GRIP1: variants seen among roughly 807,000 people sequenced by gnomAD.
GRIP1 encodes glutamate receptor interacting protein 1, also known as glutamate receptor-interacting protein 1.
GRIP1 carries 45 observed loss-of-function variants against 129.9 expected under a neutral mutation model. The observed-to-expected ratio is 0.35, with a 90% CI of 0.27 to 0.44. The LOEUF (loss-of-function observed/expected upper bound fraction) is 0.44, where lower values mean the gene tolerates loss of function less well. Ranked by LOEUF, GRIP1 falls within the 20% of genes least tolerant of loss-of-function variation. The pLI, the probability that GRIP1 is intolerant of heterozygous loss-of-function variation, is 1.00. For missense variants in GRIP1, 1,196 were observed against 1,396.8 expected (o/e 0.86, Z 2.29); for synonymous variants, 530 against 520.8 (o/e 1.02, Z -0.24).
At chr12:66,733,211 G>A (rs1350081643) in intron 1 of GRIP1, among the ~76,000 whole-genome samples, 2 of 152,096 alleles carry the variant, frequency 1.3e-5, no homozygotes, top group East Asian at 1.9e-4. Context: ...GAGAGAGGGG[G>A]TTCTGCTGCT....
At chr12:66,612,455 T>C (rs1452773189) in intron 1 of GRIP1, among the ~76,000 whole-genome samples, 1 of 152,038 alleles carries the variant, frequency 6.6e-6, no homozygotes, top group East Asian at 1.9e-4. Flanking sequence ...GCCCAGGAGT[T>C]CCAGACAAGC....
intron 7 of GRIP1, among the ~76,000 whole-genome samples, chr12:66,510,010 C>G (rs1294807836): frequency 6.6e-6 from 1 of 152,058 alleles, no homozygotes; most frequent in African/African-American, 2.4e-5. Flanking sequence ...TGTTACTTTT[C>G]CAACCACAGG....
intron 1 of GRIP1, among the ~76,000 whole-genome samples, chr12:66,918,415 C>T (rs1266742156): frequency 1.3e-5 from 2 of 152,156 alleles, no homozygotes; most frequent in Non-Finnish European, 2.9e-5. Flanking sequence ...CAAATGTTAA[C>T]TTCATCCAAA....
intron 1 of GRIP1, among the ~76,000 whole-genome samples, chr12:67,040,085 G>T (rs747496346): frequency 2.0e-5 from 3 of 151,982 alleles, no homozygotes; most frequent in South Asian, 2.1e-4. Flanking sequence ...CGCTGCTTTC[G>T]TCTTAGAAAC....
At chr12:66,521,495 A>C (rs1490420815) in intron 5 of GRIP1, among the ~76,000 whole-genome samples, 1 of 152,246 alleles carries the variant, frequency 6.6e-6, no homozygotes, top group Non-Finnish European at 1.5e-5. Flanking sequence ...AACAATCAAG[A>C]AATGTGAACT....
intron 2 of GRIP1, among the ~76,000 whole-genome samples, chr12:66,584,132 A>G (rs547964889): frequency 6.8e-6 from 1 of 146,838 alleles, no homozygotes; most frequent in African/African-American, 2.5e-5. Flanking sequence ...ACTGGAAATC[A>G]TCATTCTCAG....
At chr12:66,831,445 G>GT (rs1397817601) in intron 1 of GRIP1, among the ~76,000 whole-genome samples, 2 of 152,158 alleles carry the variant, frequency 1.3e-5, no homozygotes, top group Non-Finnish European at 2.9e-5. Context: ...AAGATTGAAG[G>GT]TAAGAGTCAT....
intron 1 of GRIP1, among the ~76,000 whole-genome samples, chr12:66,771,516 G>C (rs2037817642): frequency 6.6e-6 from 1 of 152,136 alleles, no homozygotes; most frequent in African/African-American, 2.4e-5. Context: ...TAGATCCATA[G>C]GGTATATGTT....
intron 1 of GRIP1, among the ~76,000 whole-genome samples, chr12:66,693,253 G>A (rs951638859): frequency 2.0e-5 from 3 of 152,166 alleles, no homozygotes; most frequent in Non-Finnish European, 4.4e-5. Context: ...TTTTGCCTGA[G>A]CTATGTTTAG....
At chr12:66,362,240 G>A (rs1029450085) in intron 23 of GRIP1, among the ~76,000 whole-genome samples, 10 of 133,578 alleles carry the variant, frequency 7.5e-5, no homozygotes, top group African/African-American at 2.6e-4. Context: ...CACAATGTCC[G>A]CCTCCTGGGT....
Position 66,361,151 on chromosome 12 carries a change from A to G in GRIP1, c.3013-7588T>C, listed in dbSNP as rs145092560. 3.3e-4 allele frequency among the ~76,000 whole-genome samples: 50 copies of G among 152,310 alleles called. 1 individual carries two copies. In the East Asian group the frequency reaches 8.7e-3, roughly 26 times the overall value. ...GAAGCCTACAGCCCAAGAAGAAGCA[A>G]TCTCAGTTTATACTACTAGAAACTC... On this transcript the variant is annotated intron_variant, in intron 23 of 24. Transcript: ENST00000359742.
intron 1 of GRIP1, among the ~76,000 whole-genome samples, chr12:66,722,336 A>T (rs1012578500): frequency 6.6e-6 from 1 of 152,154 alleles, no homozygotes; most frequent in African/African-American, 2.4e-5. Context: ...GTTGTGTCTC[A>T]GGGAATAGGA....
intron 1 of GRIP1, among the ~76,000 whole-genome samples, chr12:66,762,428 A>G (rs10878504): frequency 0.65 from 98,229 of 152,022 alleles, 31,880 homozygotes; most frequent in Middle Eastern, 0.79. Flanking sequence ...TAGTCTTCTT[A>G]TTAGTCTTCC....
chr12:66,697,790 A>C (rs1469669200), intron 1 of GRIP1, among the ~76,000 whole-genome samples: 1 of 152,044 alleles, frequency 6.6e-6, no homozygotes, highest in Non-Finnish European at 1.5e-5. Context: ...TTAGTGGGTT[A>C]CTCTCTTTGT....
chr12:66,734,616 G>A (rs1264954735), intron 1 of GRIP1, among the ~76,000 whole-genome samples: 1 of 152,064 alleles, frequency 6.6e-6, no homozygotes, highest in African/African-American at 2.4e-5. Context: ...GATTTGTGAG[G>A]AACAAGATAT....
intron 22 of GRIP1, 108 bp downstream of exon 22, chr12:66,376,909 G>A (rs949930408): frequency 1.2e-6 from 1 of 818,444 alleles, no homozygotes; most frequent in Non-Finnish European, 2.2e-6. Flanking sequence ...GGGTGGAGAT[G>A]GGGATATACT....
At chr12:66,913,385 A>C (rs536275445) in intron 1 of GRIP1, among the ~76,000 whole-genome samples, 1 of 152,186 alleles carries the variant, frequency 6.6e-6, no homozygotes, top group Non-Finnish European at 1.5e-5. Flanking sequence ...CACAAGCCTG[A>C]ATATCTTAGC....
chr12:66,557,626 C>G (rs1411184083), intron 2 of GRIP1, among the ~76,000 whole-genome samples: 4 of 152,120 alleles, frequency 2.6e-5, no homozygotes, highest in Admixed American at 6.5e-5. Context: ...TATTCTCTGA[C>G]CACAGTGGAA....
rs546090126 is a variant in GRIP1, at chr12:66,381,005, T to C, written c.2465-1569A>G. Among the ~76,000 whole-genome samples, 6 of 152,264 alleles carry C rather than the reference T, an allele frequency of 3.9e-5. No individual in the cohort carries two copies. The South Asian group carries it at 8.3e-4, about 21-fold the overall frequency. Reference sequence around the variant, plus strand: ...TCTCCATGATATCCCTGCTTCCTCTTCCCCATTCACTTTCTCTCCACCTGT... The same window carrying C: ...TCTCCATGATATCCCTGCTTCCTCTCCCCCATTCACTTTCTCTCCACCTGT... On this transcript the variant is annotated intron_variant, in intron 19 of 24. Transcript: ENST00000359742.
Sources: allele counts gnomAD v4.1 joint callset (sites outside exome capture counted in the v4.1 genomes callset), GRCh38; gene constraint gnomAD v4.1.1; transcripts MANE v1.5; gene names NCBI Gene and HGNC (gene_info 2026-07-23, HGNC 2026-07-21).